Variants in NAALADL2 observed in about 807,000 individuals in gnomAD.
The protein encoded by NAALADL2 is N-acetylated alpha-linked acidic dipeptidase like 2.
Under a neutral mutation model 87.2 loss-of-function variants are expected in NAALADL2, and 76 were observed. The observed-to-expected ratio is 0.87, with a 90% CI of 0.72 to 1.05. NAALADL2 has a LOEUF of 1.05. Ranked by LOEUF, NAALADL2 falls within the 50% of genes least tolerant of loss-of-function variation. NAALADL2 has a pLI of 0.00. For synonymous variants in NAALADL2, 354 were observed against 331.0 expected, an observed-to-expected ratio of 1.07 and a Z score of -0.75; for missense variants, 1,089 against 945.8, an observed-to-expected ratio of 1.15 and a Z score of -1.99.
chr3:174,465,357 C>G (rs539893441), intron 1 of NAALADL2, among the ~76,000 whole-genome samples: 43 of 152,226 alleles, frequency 2.8e-4, no homozygotes, highest in Non-Finnish European at 5.3e-4. Flanking sequence ...ACCTTTGTAT[C>G]CCAAAGGCCA....
intron 8 of NAALADL2, among the ~76,000 whole-genome samples, chr3:175,470,923 AAAAGT>A (rs888970030): frequency 3.9e-5 from 6 of 152,084 alleles, no homozygotes; most frequent in African/African-American, 1.4e-4. Flanking sequence ...TCATTGCTTC[AAAAGT>A]AAAGGGCTGG....
chr3:174,986,337 C>A (rs1745880381), intron 1 of NAALADL2, among the ~76,000 whole-genome samples: 1 of 146,706 alleles, frequency 6.8e-6, no homozygotes. Context: ...TATATATATT[C>A]CATAAGGATT....
chr3:175,491,725 G>A (rs1024349709), intron 9 of NAALADL2, among the ~76,000 whole-genome samples: 3 of 152,066 alleles, frequency 2.0e-5, no homozygotes, highest in African/African-American at 4.8e-5. Context: ...ACCCTGCCAC[G>A]CTACACATGA....
chr3:174,544,628 G>A (rs1722565451), intron 1 of NAALADL2, among the ~76,000 whole-genome samples: 2 of 140,480 alleles, frequency 1.4e-5, no homozygotes, highest in Non-Finnish European at 1.5e-5. Context: ...GTGCAGTGGT[G>A]CAATCTTGGC....
rs189730823 is a variant in NAALADL2 at position 175,734,885 on chromosome 3, G to C, written c.1897-2421G>C. On this transcript the variant is annotated intron_variant, in intron 11 of 13. Coordinates refer to ENST00000454872, the MANE Select transcript of NAALADL2 (RefSeq NM_207015.3). Reference sequence around the variant, plus strand: ...CTAGAGACATTTTCCCCATTGTCTTGATGATTTAGCATTTGGCTCCTTTTT... The same window carrying C: ...CTAGAGACATTTTCCCCATTGTCTTCATGATTTAGCATTTGGCTCCTTTTT... Among the ~76,000 whole-genome samples, 24 of 152,322 alleles carry C rather than the reference G, an allele frequency of 1.6e-4. No individual in the cohort carries two copies. The East Asian group carries it at 4.6e-3, about 29-fold the overall frequency.
chr3:175,342,342 T>G (rs1762646567), intron 5 of NAALADL2, among the ~76,000 whole-genome samples: 2 of 152,068 alleles, frequency 1.3e-5, no homozygotes, highest in Admixed American at 6.6e-5. Context: ...GATGGGGAGT[T>G]ATGTGAGATA....
chr3:174,556,391 G>C (rs113131324), intron 2 of NAALADL2, among the ~76,000 whole-genome samples: 76 of 151,972 alleles, frequency 5.0e-4, no homozygotes, highest in Non-Finnish European at 9.1e-4. Flanking sequence ...TTAGATTTTC[G>C]ACGTATTAAT....
chr3:175,267,686 TG>T (rs1752166687), intron 4 of NAALADL2, among the ~76,000 whole-genome samples: 2 of 152,124 alleles, frequency 1.3e-5, no homozygotes, highest in Admixed American at 1.3e-4. Flanking sequence ...TTTACAGTTC[TG>T]ACATGAGTGG....
At chr3:174,846,943 A>G (rs961234335) in intron 3 of NAALADL2, among the ~76,000 whole-genome samples, 3 of 152,158 alleles carry the variant, frequency 2.0e-5, no homozygotes, top group Non-Finnish European at 4.4e-5. Flanking sequence ...AGAGATGAAA[A>G]TGGCCTCACC....
At chr3:175,642,276 C>T (rs2862307) in intron 11 of NAALADL2, among the ~76,000 whole-genome samples, 40,150 of 151,880 alleles carry the variant, frequency 0.26, 6,100 homozygotes, top group African/African-American at 0.43. Context: ...TTGTGATTTG[C>T]TTTTTTACCC....
chr3:174,765,164 G>C (rs138526919), intron 3 of NAALADL2, among the ~76,000 whole-genome samples: 1,641 of 150,792 alleles, frequency 0.011, 37 homozygotes, highest in African/African-American at 0.037. Flanking sequence ...GAGAGAGAGA[G>C]AGAGAGACAG....
chr3:174,965,195 T>C (rs1430769705), intron 1 of NAALADL2, among the ~76,000 whole-genome samples: 1 of 152,096 alleles, frequency 6.6e-6, no homozygotes, highest in Admixed American at 6.6e-5. Context: ...TGGCTGGAGA[T>C]CTCAGTTCCT....
At chr3:175,013,866 C>A (rs1750481611) in intron 1 of NAALADL2, among the ~76,000 whole-genome samples, 1 of 152,042 alleles carries the variant, frequency 6.6e-6, no homozygotes, top group African/African-American at 2.4e-5. Context: ...GATTGGTCCT[C>A]AGAACCAAAT....
chr3:175,223,134 T>C (rs1405752534), intron 2 of NAALADL2, among the ~76,000 whole-genome samples: 1 of 120,054 alleles, frequency 8.3e-6, no homozygotes. Context: ...GTGTGTGTGG[T>C]AAGGACACTG....
At chr3:175,786,395 C>A (rs1751965192) in intron 13 of NAALADL2, among the ~76,000 whole-genome samples, 1 of 152,200 alleles carries the variant, frequency 6.6e-6, no homozygotes, top group African/African-American at 2.4e-5. Context: ...AGGCTTTGCT[C>A]ATTGCTTTTT....
At position 175,806,949 on chromosome 3, in the gene NAALADL2, A is replaced by T. The variant is rs112380076; in HGVS notation, c.*3746A>T. ...AACTGATCAGACTGTGGAGTCTGTC[A>T]CTTTTTTGGTATAATAAAGGAGTTT... On this transcript the variant is annotated 3_prime_UTR_variant, in exon 14 of 14. Transcript: ENST00000454872. 26 of 151,878 alleles carry T rather than the reference A, an allele frequency of 1.7e-4. No homozygotes were observed. The highest frequency in any genetic ancestry group is 5.8e-4 in the African/African-American group (24 of 41,490). 9.4% of individuals were successfully genotyped at this position (151,878 alleles called of 1,614,324 possible).
chr3:174,661,755 A>G (rs1157398470), intron 2 of NAALADL2, among the ~76,000 whole-genome samples: 1 of 152,034 alleles, frequency 6.6e-6, no homozygotes, highest in Non-Finnish European at 1.5e-5. Context: ...CTGTGTGACT[A>G]CTATTCCACA....
At chr3:174,441,307 G>A (rs1230249681) in intron 1 of NAALADL2, among the ~76,000 whole-genome samples, 1 of 152,154 alleles carries the variant, frequency 6.6e-6, no homozygotes, top group African/African-American at 2.4e-5. Context: ...AGGCGCGCTG[G>A]CCAAAGGAGC....
chr3:174,496,032 T>G (rs1244602093), intron 1 of NAALADL2, among the ~76,000 whole-genome samples: 1 of 152,092 alleles, frequency 6.6e-6, no homozygotes, highest in African/African-American at 2.4e-5. Context: ...ATGACTGTGC[T>G]CTTGAACTTC....
Sources: gnomAD v4.1 joint callset for allele counts (sites outside exome capture counted in the v4.1 genomes callset) on GRCh38, gnomAD v4.1.1 for gene constraint, MANE v1.5 for transcripts, NCBI Gene and HGNC (gene_info 2026-07-23, HGNC 2026-07-21) for gene names.